Variants in ZFHX3 observed in about 807,000 individuals in gnomAD.
The protein encoded by ZFHX3 is zinc finger homeobox protein 3.
ZFHX3 carries 42 observed loss-of-function variants against 279.1 expected under a neutral mutation model. The ratio of observed to expected loss-of-function variants is 0.15; its 90% CI spans 0.12 to 0.19. The LOEUF (loss-of-function observed/expected upper bound fraction) is 0.19. ZFHX3 is among the 10% of genes least tolerant of loss of function. The probability of loss-of-function intolerance (pLI) is 1.00; values close to 1 mark genes in which losing one functional copy is unlikely to be tolerated. For synonymous variants in ZFHX3, 2,293 were observed against 1,957.8 expected, an observed-to-expected ratio of 1.17 and a Z score of -4.52; for missense variants, 4,981 against 4,754.0, an observed-to-expected ratio of 1.05 and a Z score of -1.40.
intron 1 of ZFHX3, among the ~76,000 whole-genome samples, chr16:73,000,051 G>A (rs750994520): frequency 3.9e-5 from 6 of 152,186 alleles, no homozygotes; most frequent in South Asian, 4.1e-4. Flanking sequence ...CTTTGTTCCC[G>A]GAGCCCCATG....
At chr16:72,904,524 C>G (rs1024640449) in intron 3 of ZFHX3, among the ~76,000 whole-genome samples, 2 of 152,042 alleles carry the variant, frequency 1.3e-5, no homozygotes, top group Non-Finnish European at 2.9e-5. Context: ...CTAATCCAGT[C>G]CAAATTCACT....
chr16:73,381,474 G>T (rs1261919847), intron 3 of ZFHX3, among the ~76,000 whole-genome samples: 2 of 152,276 alleles, frequency 1.3e-5, no homozygotes, highest in Admixed American at 1.3e-4. Flanking sequence ...GAGTGGAAAA[G>T]AATGGAAAAA....
At chr16:73,689,851 G>C (rs1420931290) in intron 1 of ZFHX3, among the ~76,000 whole-genome samples, 1 of 150,710 alleles carries the variant, frequency 6.6e-6, no homozygotes, top group Non-Finnish European at 1.5e-5. Context: ...TTGAGATGGA[G>C]TCTCGCTCTG....
intron 7 of ZFHX3, among the ~76,000 whole-genome samples, chr16:73,110,509 C>CA (rs913815354): frequency 6.6e-6 from 1 of 152,020 alleles, no homozygotes; most frequent in Admixed American, 6.6e-5. Context: ...AGAAAAATTA[C>CA]AAAAAACACT....
intron 2 of ZFHX3, among the ~76,000 whole-genome samples, chr16:73,532,490 G>A (rs2019823258): frequency 6.6e-6 from 1 of 152,082 alleles, no homozygotes; most frequent in South Asian, 2.1e-4. Context: ...GCGTGAAAAT[G>A]GAGTAATATA....
intron 5 of ZFHX3, among the ~76,000 whole-genome samples, chr16:72,827,766 T>A (rs893370318): frequency 3.9e-5 from 6 of 152,070 alleles, no homozygotes; most frequent in Admixed American, 2.6e-4. Context: ...TCGCCTAGGG[T>A]GTTTGACCCT....
Position 73,647,137 on chromosome 16 carries a change from G to A in ZFHX3, c.-1547+33043C>T, listed in dbSNP as rs527936568. 5.3e-5 allele frequency among the ~76,000 whole-genome samples: 8 copies of A among 151,624 alleles called. No homozygotes were observed. The South Asian group carries it at 1.7e-3, about 32-fold the overall frequency. On this transcript the variant is annotated intron_variant, in intron 2 of 17. Coordinates refer to the ZFHX3 transcript ENST00000641206. Reference sequence around the variant, plus strand: ...ACGCCATTCTCCTGCCTCAGCCTCTGGAGCAGCTGGGACTACAGGCGCCTG... The same window carrying A: ...ACGCCATTCTCCTGCCTCAGCCTCTAGAGCAGCTGGGACTACAGGCGCCTG...
intron 1 of ZFHX3, among the ~76,000 whole-genome samples, chr16:73,730,477 T>C (rs568004175): frequency 6.6e-6 from 1 of 151,902 alleles, no homozygotes; most frequent in South Asian, 2.1e-4. Flanking sequence ...ATCCAGTGCA[T>C]TGTACATAAG....
At chr16:73,542,785 A>G (rs575180201) in intron 2 of ZFHX3, among the ~76,000 whole-genome samples, 1 of 148,226 alleles carries the variant, frequency 6.7e-6, no homozygotes, top group African/African-American at 2.7e-5. Context: ...CTAAAAAAAA[A>G]TATCATGTAT....
At chr16:73,735,895 T>TG (rs2053604960) in intron 1 of ZFHX3, among the ~76,000 whole-genome samples, 1 of 96,578 alleles carries the variant, frequency 1.0e-5, no homozygotes, top group Non-Finnish European at 2.2e-5. Context: ...CATTCCGTTT[T>TG]TTTTTTTTTT....
Position 72,797,611 on chromosome 16 carries a change from G to A in ZFHX3, c.5071C>T (p.Pro1691Ser), listed in dbSNP as rs771585731. The change falls in exon 9 of 10, where the codon CCA (proline) becomes TCA (serine). Residue 1691 changes from proline to serine, a missense_variant. This residue lies in a region of ZFHX3 where 1,751 missense variants were observed against 1,770.0 expected (regional missense o/e 0.99). Transcript: ENST00000268489. ...SQVPTESVGMPPLGNPIGANI... is the reference protein window; with the variant it reads ...SQVPTESVGMSPLGNPIGANI... ...GCACCAATAGGATTCCCCAGGGGTG[G>A]CATCCCTACACTCTCAGTGGGCACT... 2.5e-6 allele frequency: 4 copies of A among 1,614,058 alleles called. No individual in the cohort carries two copies. In the Admixed American group the frequency reaches 5.0e-5, roughly 20 times the overall value.
At chr16:73,461,854 G>T (rs1173496178) in intron 2 of ZFHX3, among the ~76,000 whole-genome samples, 1 of 151,990 alleles carries the variant, frequency 6.6e-6, no homozygotes, top group Non-Finnish European at 1.5e-5. Context: ...AGCTATTCTT[G>T]TTCCTCTGTC....
At chr16:73,191,683 C>T (rs890633025) in intron 5 of ZFHX3, among the ~76,000 whole-genome samples, 2 of 152,096 alleles carry the variant, frequency 1.3e-5, no homozygotes, top group African/African-American at 4.8e-5. Context: ...CTGGTCCCCT[C>T]TCACCCACGG....
chr16:73,183,954 T>C (rs1298121084), intron 5 of ZFHX3, among the ~76,000 whole-genome samples: 1 of 152,110 alleles, frequency 6.6e-6, no homozygotes. Flanking sequence ...GTTGTGAAAC[T>C]GGCAGCAATT....
chr16:73,269,896 G>A (rs1381074828), intron 4 of ZFHX3, among the ~76,000 whole-genome samples: 1 of 151,960 alleles, frequency 6.6e-6, no homozygotes, highest in African/African-American at 2.4e-5. Context: ...TAAGAGGTGT[G>A]CGCCACCATG....
chr16:73,532,215 G>A (rs1180867281), intron 2 of ZFHX3, among the ~76,000 whole-genome samples: 1 of 152,162 alleles, frequency 6.6e-6, no homozygotes, highest in Non-Finnish European at 1.5e-5. Flanking sequence ...GGGACCCCAG[G>A]GGGAGATAAT....
intron 1 of ZFHX3, among the ~76,000 whole-genome samples, chr16:73,720,087 T>C (rs1436064521): frequency 6.6e-6 from 1 of 152,192 alleles, no homozygotes; most frequent in Non-Finnish European, 1.5e-5. Flanking sequence ...GACCAATAAG[T>C]ACTAATAATC....
intron 3 of ZFHX3, among the ~76,000 whole-genome samples, chr16:73,368,938 G>A (rs2016576068): frequency 6.6e-6 from 1 of 152,184 alleles, no homozygotes; most frequent in South Asian, 2.1e-4. Context: ...AGCTGAGATT[G>A]GAATCTGGGA....
intron 3 of ZFHX3, among the ~76,000 whole-genome samples, chr16:73,413,152 A>G (rs1197606420): frequency 6.6e-6 from 1 of 152,250 alleles, no homozygotes; most frequent in African/African-American, 2.4e-5. Flanking sequence ...TAGCAGGACT[A>G]GAGACATTCT....
Sources: allele counts gnomAD v4.1 joint callset (sites outside exome capture counted in the v4.1 genomes callset), GRCh38; gene constraint gnomAD v4.1.1; regional missense constraint gnomAD v4.1.1; transcripts MANE v1.5; gene names NCBI Gene and HGNC (gene_info 2026-07-23, HGNC 2026-07-21).